Variants in PCNX1 observed in about 807,000 individuals in gnomAD.
PCNX1 encodes pecanex 1.
In PCNX1, 78 loss-of-function variants were observed where a neutral mutation model predicts 242.2. The observed-to-expected ratio is 0.32, with a 90% CI of 0.27 to 0.39. The LOEUF is 0.39. Among genes scored for constraint, PCNX1 ranks in the 10% least tolerant of loss-of-function variants. The probability of loss-of-function intolerance (pLI) is 1.00; values close to 1 mark genes in which losing one functional copy is unlikely to be tolerated. For missense variants in PCNX1, 2,581 were observed against 2,856.5 expected (o/e 0.90, Z 2.20); for synonymous variants, 1,024 against 1,032.9 (o/e 0.99, Z 0.17).
rs368509533 is a variant in PCNX1 at position 70,938,195 on chromosome 14, A to C, written c.154-8720A>C. Among the ~76,000 whole-genome samples the C allele has an allele frequency of 3.6e-3, 545 of 152,174 alleles. 1 individual carries two copies. The highest frequency in any genetic ancestry group is 0.02 in the Middle Eastern group (6 of 294). On this transcript the variant is annotated intron_variant, in intron 1 of 35. Transcript: ENST00000304743. ...GAATAGGAGTGGTGAGAGAGGGCAT[A>C]CCTGTCTTGTGCCAGTTTTCAAAGG...
At chr14:70,931,258 C>T (rs114004558) in intron 1 of PCNX1, among the ~76,000 whole-genome samples, 1,609 of 152,222 alleles carry the variant, frequency 0.011, 13 homozygotes, top group South Asian at 0.017. Context: ...TCCCAACTCC[C>T]CACCCCTTCA....
rs2141469911 is a variant in PCNX1, at chr14:71,076,311, T to C, written c.5229T>C (p.Asn1743=). 6.2e-7 allele frequency: 1 copy of C among 1,614,016 alleles called. No individual in the cohort carries two copies. Among genetic ancestry groups the C allele is most frequent in the Non-Finnish European group, 8.5e-7 (1 of 1,179,926 alleles). ...ATGTCGATGTGGACCCGACCTTTAA[T>C]CCAAACATTGATGAAGACTATGACC... ...RNYVDVDPTF[N]PNIDEDYDHR... The change falls in exon 28 of 36, where the codon AAT becomes AAC. Residue 1743 remains asparagine (N), a synonymous_variant. Transcript: ENST00000304743.
Position 71,108,761 on chromosome 14 carries a change from T to G in PCNX1, c.6459T>G (p.Thr2153=). 6.2e-7 allele frequency: 1 copy of G among 1,614,246 alleles called. No individual in the cohort carries two copies. Among genetic ancestry groups the G allele is most frequent in the Non-Finnish European group, 8.5e-7 (1 of 1,180,038 alleles). The part of the protein sequence containing the change: ...TGFVPCRRSS[T]SQISLRNLPS... ...TTGTGCCTTGTCGGCGCTCTTCTAC[T>G]AGTCAGATATCGCTTCGAAACTTGC... Residue 2153 remains threonine, a synonymous_variant, in exon 34 of 36, where the codon ACT becomes ACG. Coordinates refer to ENST00000304743, the MANE Select transcript of PCNX1 (RefSeq NM_014982.3).
chr14:70,999,931 CAG>C (rs1379880070), intron 8 of PCNX1, among the ~76,000 whole-genome samples: 1 of 152,082 alleles, frequency 6.6e-6, no homozygotes, highest in Non-Finnish European at 1.5e-5. Flanking sequence ...AACACAGAGT[CAG>C]AGGACTGTAA....
At chr14:71,103,918 T>A (rs2062533349) in intron 32 of PCNX1, among the ~76,000 whole-genome samples, 1 of 152,204 alleles carries the variant, frequency 6.6e-6, no homozygotes, top group Non-Finnish European at 1.5e-5. Context: ...AAAATTCCCT[T>A]TATTTGTTTA....
chr14:70,962,457 TTAA>T (rs1450133921), intron 3 of PCNX1, 126 bp downstream of exon 3: 23 of 585,590 alleles, frequency 3.9e-5, no homozygotes, highest in African/African-American at 3.4e-4. Flanking sequence ...TAATTGCTTA[TTAA>T]TAACATCTTT....
intron 3 of PCNX1, among the ~76,000 whole-genome samples, chr14:70,963,430 A>C (rs796956941): frequency 1.2e-4 from 19 of 152,326 alleles, no homozygotes; most frequent in African/African-American, 4.6e-4. Flanking sequence ...AAAACATTAG[A>C]GGTAGATCAG....
At chr14:70,954,413 C>T (rs2057911216) in intron 2 of PCNX1, among the ~76,000 whole-genome samples, 1 of 152,136 alleles carries the variant, frequency 6.6e-6, no homozygotes, top group South Asian at 2.1e-4. Flanking sequence ...ATGTAAACTT[C>T]AGAGTCTGCT....
At chr14:71,031,649 C>T (rs1477910948) in intron 16 of PCNX1, 6 of 664,028 alleles carry the variant, frequency 9.0e-6, no homozygotes, top group Non-Finnish European at 1.7e-5. Context: ...GTGGGTGGGA[C>T]GTCTCTCACC....
intron 19 of PCNX1, among the ~76,000 whole-genome samples, chr14:71,040,542 A>G (rs994435411): frequency 1.3e-5 from 2 of 151,976 alleles, no homozygotes; most frequent in Non-Finnish European, 2.9e-5. Context: ...CATTTTTTTC[A>G]TAATGGGTGT....
At chr14:71,097,844 A>G (rs2062335883) in intron 30 of PCNX1, among the ~76,000 whole-genome samples, 1 of 152,194 alleles carries the variant, frequency 6.6e-6, no homozygotes, top group African/African-American at 2.4e-5. Context: ...TTAGTCATAA[A>G]TTATTTCCCA....
intron 24 of PCNX1, 116 bp downstream of exon 24, chr14:71,052,128 T>G (rs1373087190): frequency 1.3e-6 from 1 of 783,692 alleles, no homozygotes; most frequent in Non-Finnish European, 1.9e-6. Flanking sequence ...AATATTTATT[T>G]TTGCTAAAAC....
intron 7 of PCNX1, among the ~76,000 whole-genome samples, chr14:70,995,230 A>G (rs1258275992): frequency 1.3e-5 from 2 of 152,048 alleles, no homozygotes; most frequent in East Asian, 3.8e-4. Flanking sequence ...CAAGATTGTT[A>G]TTTTGGTTGC....
At chr14:71,046,680 C>CT (rs1307348761) in intron 20 of PCNX1, among the ~76,000 whole-genome samples, 3 of 151,882 alleles carry the variant, frequency 2.0e-5, no homozygotes, top group African/African-American at 7.3e-5. Context: ...CTTCAGTAAT[C>CT]TTTTTTCAAT....
chr14:71,036,030 T>C (rs895636483), intron 18 of PCNX1, 35 bp from the exon 19 acceptor site: 1 of 1,355,074 alleles, frequency 7.4e-7, no homozygotes, highest in Non-Finnish European at 1.0e-6. Context: ...AAAAATTTTA[T>C]GTAATTGTTT....
chr14:70,961,179 T>C lies in PCNX1; in HGVS notation c.363-1047T>C, dbSNP rs2140468952. 2.0e-5 allele frequency among the ~76,000 whole-genome samples: 3 copies of C among 152,244 alleles called. No individual in the cohort carries two copies. The Middle Eastern group carries it at 0.01, about 518-fold the overall frequency. The stretch of plus-strand genomic sequence containing the variant: ...GGAAAAAACTACTTTGAAGTTCATA[T>C]GGAACCAAAAAAGAGCCCACATCGC... On this transcript the variant is annotated intron_variant, in intron 2 of 35. Transcript: ENST00000304743.
At chr14:70,945,956 A>G (rs2057440610) in intron 1 of PCNX1, among the ~76,000 whole-genome samples, 1 of 152,196 alleles carries the variant, frequency 6.6e-6, no homozygotes, top group Non-Finnish European at 1.5e-5. Context: ...AAATTGGGAT[A>G]AGTTGAGCCT....
At chr14:70,948,285 C>A (rs2057541299) in intron 2 of PCNX1, among the ~76,000 whole-genome samples, 1 of 152,070 alleles carries the variant, frequency 6.6e-6, no homozygotes, top group Non-Finnish European at 1.5e-5. Flanking sequence ...GCTCAGGGGG[C>A]ATCACGGAAC....
At chr14:71,085,150 G>A (rs966315568) in intron 28 of PCNX1, among the ~76,000 whole-genome samples, 9 of 152,152 alleles carry the variant, frequency 5.9e-5, no homozygotes, top group African/African-American at 1.7e-4. Flanking sequence ...ACCCTGCTTC[G>A]GCTTGCCCTC....
Sources: gnomAD v4.1 joint callset for allele counts (sites outside exome capture counted in the v4.1 genomes callset) on GRCh38, gnomAD v4.1.1 for gene constraint, MANE v1.5 for transcripts, NCBI Gene and HGNC (gene_info 2026-07-23, HGNC 2026-07-21) for gene names.